The following STK17B variants were observed in gnomAD, a reference collection of about 807,000 sequenced individuals.
The protein encoded by STK17B is serine/threonine kinase 17b, also known as serine/threonine-protein kinase 17B.
A neutral mutation model predicts 42.0 loss-of-function variants in STK17B; 21 were observed. That is an observed-to-expected ratio of 0.50 (90% CI 0.35 to 0.72). The LOEUF (loss-of-function observed/expected upper bound fraction) is 0.72. Ranked by LOEUF, STK17B falls within the 30% of genes least tolerant of loss-of-function variation. The pLI, the probability that STK17B is intolerant of heterozygous loss-of-function variation, is 0.00. For synonymous variants in STK17B, 143 were observed against 148.4 expected (o/e 0.96, Z 0.26); for missense variants, 349 against 446.0 (o/e 0.78, Z 1.96).
At chr2:196,157,652 A>G (rs1699757068) in intron 2 of STK17B, among the ~76,000 whole-genome samples, 1 of 152,198 alleles carries the variant, frequency 6.6e-6, no homozygotes, top group South Asian at 2.1e-4. Context: ...AATAATGGTT[A>G]TCACAGCTAT....
intron 3 of STK17B, among the ~76,000 whole-genome samples, chr2:196,151,926 T>C (rs573904039): frequency 1.3e-5 from 2 of 152,284 alleles, no homozygotes; most frequent in South Asian, 2.1e-4. Flanking sequence ...ATTTTAATAA[T>C]TGTTAAAAGT....
Position 196,168,529 on chromosome 2 carries a change from A to G in STK17B, c.-45+2804T>C, listed in dbSNP as rs183248577. Among the ~76,000 whole-genome samples, 108 of 152,342 alleles carry G rather than the reference A, an allele frequency of 7.1e-4. 2 individuals carry two copies. The highest frequency in any genetic ancestry group is 1.6e-4 in the Non-Finnish European group (11 of 68,036). ...AATCTGCCTTTAAGGATTAAAGAGGAAATTACCATCTCACTGTTAAAATTT... is the reference window on the plus strand; with the variant it reads ...AATCTGCCTTTAAGGATTAAAGAGGGAATTACCATCTCACTGTTAAAATTT... On this transcript the variant is annotated intron_variant, in intron 1 of 7. Coordinates refer to ENST00000263955, the MANE Select transcript of STK17B (RefSeq NM_004226.4).
At chr2:196,151,783 T>A (rs190631193) in intron 3 of STK17B, among the ~76,000 whole-genome samples, 14 of 152,290 alleles carry the variant, frequency 9.2e-5, no homozygotes, top group African/African-American at 3.4e-4. Flanking sequence ...TAAATAGATC[T>A]AATACTACCT....
chr2:196,147,491 T>C (rs1466634740), intron 3 of STK17B, among the ~76,000 whole-genome samples: 1 of 152,068 alleles, frequency 6.6e-6, no homozygotes, highest in Admixed American at 6.6e-5. Context: ...CAAATTTCAG[T>C]CCCAAGTTGA....
At chr2:196,160,000 G>GA (rs1009408395) in intron 2 of STK17B, among the ~76,000 whole-genome samples, 1 of 151,746 alleles carries the variant, frequency 6.6e-6, no homozygotes, top group Non-Finnish European at 1.5e-5. Flanking sequence ...GATGACTTAG[G>GA]AAAAAAACCA....
At position 196,133,745 on chromosome 2, in the gene STK17B, A is replaced by G. The variant is rs1480918944; in HGVS notation, c.*3702T>C. ...AAGTGCTTTTTAATTTTTAGCCAGA[A>G]TGGTCAAGTTGATGTAGATTTTTTT... On this transcript the variant is annotated 3_prime_UTR_variant, in exon 8 of 8. Transcript: ENST00000263955. 1 of 152,226 alleles carries G rather than the reference A, an allele frequency of 6.6e-6. No homozygotes were observed. Among genetic ancestry groups the G allele is most frequent in the Non-Finnish European group, 1.5e-5 (1 of 68,034 alleles). The allele number at this position is 152,226 out of a possible 1,614,324, so 9.4% of individuals were successfully genotyped here. A position where few individuals can be genotyped will look rare whatever the true frequency, so the allele number is the denominator to read the frequency against.
At chr2:196,149,237 C>T in intron 3 of STK17B, among the ~76,000 whole-genome samples, 1 of 151,248 alleles carries the variant, frequency 6.6e-6, no homozygotes, top group South Asian at 2.1e-4. Flanking sequence ...AATCTCTACT[C>T]ACCGCAACCT....
chr2:196,147,204 C>T (rs867574463), intron 3 of STK17B, among the ~76,000 whole-genome samples: 8 of 152,182 alleles, frequency 5.3e-5, no homozygotes, highest in African/African-American at 1.9e-4. Flanking sequence ...TGGGAATACA[C>T]AAGTATATTC....
intron 3 of STK17B, among the ~76,000 whole-genome samples, chr2:196,151,053 T>C (rs755211523): frequency 2.0e-5 from 3 of 152,226 alleles, no homozygotes; most frequent in Non-Finnish European, 2.9e-5. Flanking sequence ...CTGTTTTGCA[T>C]GTTTTGTTAC....
rs191715346 is a variant in STK17B at position 196,135,219 on chromosome 2, T to C, written c.*2228A>G. 1 of 152,292 alleles carries C rather than the reference T, an allele frequency of 6.6e-6. No individual in the cohort carries two copies. The highest frequency in any genetic ancestry group is 2.4e-5 in the African/African-American group (1 of 41,572). The allele number at this position is 152,292 out of a possible 1,614,324, so 9.4% of individuals were successfully genotyped here. A position where few individuals can be genotyped will look rare whatever the true frequency, so the allele number is the denominator to read the frequency against. On this transcript the variant is annotated 3_prime_UTR_variant, in exon 8 of 8. Transcript: ENST00000263955. ...ATGATTCCTCTAAAAATTAAAAATA[T>C]AATATGGTCTTCAGAAACATAATCA...
chr2:196,146,126 GTTAAGTAAAAGACA>G, intron 3 of STK17B, 71 bp from the exon 4 acceptor site: 3 of 1,412,454 alleles, frequency 2.1e-6, no homozygotes. Context: ...TTGTGTACCT[GTTAAGTAAAAGACA>G]TACAACTATA....
At position 196,166,944 on chromosome 2, in the gene STK17B, G is replaced by C. The variant is rs991433061; in HGVS notation, c.-44-3517C>G. ...TTTTGATTCCTTCATTAGCTCCCCA[G>C]TATCTACAAGCTTTCAAGTACTTAC... On this transcript the variant is annotated intron_variant, in intron 1 of 7. Transcript: ENST00000263955. Among the ~76,000 whole-genome samples, 5 of 152,168 alleles carry C rather than the reference G, an allele frequency of 3.3e-5. No individual in the cohort carries two copies. In the South Asian group the frequency reaches 6.2e-4, roughly 19 times the overall value.
At chr2:196,166,807 C>T (rs1371141543) in intron 1 of STK17B, among the ~76,000 whole-genome samples, 1 of 152,094 alleles carries the variant, frequency 6.6e-6, no homozygotes, top group African/African-American at 2.4e-5. Context: ...AAACCTCTAG[C>T]TCTATTTTAA....
At position 196,145,914 on chromosome 2, in the gene STK17B, T is replaced by C; in HGVS notation, c.477A>G (p.Leu159=). The C allele has an allele frequency of 6.4e-7, 1 of 1,568,126 alleles. No individual in the cohort carries two copies. The highest frequency in any genetic ancestry group is 8.6e-7 in the Non-Finnish European group (1 of 1,163,104). The change falls in exon 4 of 8, where the codon TTA becomes TTG. Residue 159 remains leucine, a synonymous_variant. Transcript: ENST00000263955. ...LHQNNIVHLD[L]KPQNILLSSI... is the part of the protein sequence containing the mutation. Reference sequence around the variant, plus strand: ...ACTTTAAATCACGTTACGTTACCTTTAAATCAAGGTGTACAATGTTATTCT... The same window carrying C: ...ACTTTAAATCACGTTACGTTACCTTCAAATCAAGGTGTACAATGTTATTCT...
chr2:196,156,573 T>C lies in STK17B; in HGVS notation c.201A>G (p.Arg67=), dbSNP rs768021084. The C allele has an allele frequency of 6.2e-7, 1 of 1,614,088 alleles. No homozygotes were observed. Among genetic ancestry groups the C allele is most frequent in the South Asian group, 1.1e-5 (1 of 91,084 alleles). Residue 67 remains arginine, a synonymous_variant, in exon 3 of 8, where the codon AGA becomes AGG. Transcript: ENST00000263955. The part of the protein sequence containing the change: ...QEYAAKFLKK[R]RRGQDCRAEI... ...CTGCTCGACAATCCTGTCCTCTTCT[T>C]CTCTTTTTTAGAAATTTTGCAGCAT...
chr2:196,141,552 AG>A (rs1199198188), intron 5 of STK17B, among the ~76,000 whole-genome samples: 4 of 152,120 alleles, frequency 2.6e-5, no homozygotes, highest in African/African-American at 4.8e-5. Context: ...CCAGCTACTC[AG>A]GAGGCTGAGG....
chr2:196,151,263 G>C (rs1275765220), intron 3 of STK17B: 1 of 144,484 alleles, frequency 6.9e-6, no homozygotes, highest in East Asian at 2.0e-4. Flanking sequence ...TTTTTTTTTT[G>C]AGACGACTCT....
chr2:196,150,761 T>G (rs895421693), intron 3 of STK17B, among the ~76,000 whole-genome samples: 1 of 152,190 alleles, frequency 6.6e-6, no homozygotes, highest in Non-Finnish European at 1.5e-5. Context: ...ATTTGAATAT[T>G]AAGAGTCTCT....
chr2:196,156,279 T>C (rs560838972), intron 3 of STK17B, 160 bp downstream of exon 3: 2 of 636,216 alleles, frequency 3.1e-6, no homozygotes, highest in South Asian at 4.6e-5. Context: ...AGGCTATACA[T>C]TTAGTCTTAT....
Sources: gnomAD v4.1 joint callset for allele counts (sites outside exome capture counted in the v4.1 genomes callset) on GRCh38, gnomAD v4.1.1 for gene constraint, MANE v1.5 for transcripts, NCBI Gene and HGNC (gene_info 2026-07-23, HGNC 2026-07-21) for gene names.